Variants in MED17 observed in about 807,000 individuals in gnomAD.
The protein encoded by MED17 is mediator complex subunit 17, also known as mediator of RNA polymerase II transcription subunit 17.
In MED17, 49 loss-of-function variants were observed where a neutral mutation model predicts 80.8. That is an observed-to-expected ratio of 0.61 (90% CI 0.48 to 0.77). The LOEUF is 0.77. Among genes scored for constraint, MED17 ranks in the 30% least tolerant of loss-of-function variants. The pLI is 0.00. For synonymous variants in MED17, 281 were observed against 280.4 expected, an observed-to-expected ratio of 1.00 and a Z score of -0.02; for missense variants, 718 against 787.0, an observed-to-expected ratio of 0.91 and a Z score of 1.05.
chr11:93,798,735 G>A (rs1456112712), intron 8 of MED17, among the ~76,000 whole-genome samples: 1 of 152,138 alleles, frequency 6.6e-6, no homozygotes, highest in East Asian at 1.9e-4. Flanking sequence ...AGGTATAGGA[G>A]TGGGGTCTTA....
At chr11:93,808,686 G>C (rs1405516089) in intron 10 of MED17, 1 of 151,896 alleles carries the variant, frequency 6.6e-6, no homozygotes, top group Non-Finnish European at 1.5e-5. Context: ...TGGTGGCCAA[G>C]TAAGTAAAAT....
At chr11:93,809,170 T>G in intron 10 of MED17, 3 of 174,082 alleles carry the variant, frequency 1.7e-5, no homozygotes, top group Non-Finnish European at 3.7e-5. Flanking sequence ...AGGGGGAGAG[T>G]CGTGTAGAAC....
chr11:93,790,288 G>A, intron 2 of MED17: 2 of 513,118 alleles, frequency 3.9e-6, no homozygotes, highest in South Asian at 3.1e-5. Context: ...TATAAGGAGA[G>A]GAATGGCAGT....
Position 93,797,716 on chromosome 11 carries a change from G to T in MED17, c.1325G>T (p.Ser442Ile). 1 of 1,611,642 alleles carries T rather than the reference G, an allele frequency of 6.2e-7. No individual in the cohort carries two copies. The highest frequency in any genetic ancestry group is 2.2e-5 in the East Asian group (1 of 44,846). ...IKQAKHIFLR[S>I]RAAATIDSLA... ...CAAGCAAAGCATATTTTTCTAAGGA[G>T]TAGGTAAGGTTGAAGAAAGTTACTG... is the stretch of plus-strand genomic sequence containing the variant. The change falls in exon 8 of 12, where the codon AGT becomes ATT. Residue 442 changes from serine to isoleucine, a missense_variant. By Grantham distance (142) the Ser-to-Ile change is moderately radical (BLOSUM62 -2). Transcript: ENST00000251871.
At chr11:93,787,018 TG>T (rs1386508696) in intron 1 of MED17, among the ~76,000 whole-genome samples, 1 of 152,008 alleles carries the variant, frequency 6.6e-6, no homozygotes, top group Non-Finnish European at 1.5e-5. Flanking sequence ...AGTACTAACA[TG>T]GAAGTGTCTC....
intron 6 of MED17, chr11:93,795,302 A>G (rs1943888072): frequency 1.8e-6 from 1 of 552,272 alleles, no homozygotes; most frequent in Non-Finnish European, 3.2e-6. Context: ...TGTAGTCATT[A>G]TTGTGGTCAA....
chr11:93,784,384 T>C lies in MED17; in HGVS notation c.-130T>C, dbSNP rs963595039. 2.8e-5 allele frequency: 35 copies of C among 1,230,912 alleles called. No individual in the cohort carries two copies. The highest frequency in any genetic ancestry group is 3.8e-5 in the Non-Finnish European group (35 of 910,494). 76.2% of individuals were successfully genotyped at this position (1,230,912 alleles called of 1,614,324 possible). A position where few individuals can be genotyped will look rare whatever the true frequency, so the allele number is the denominator to read the frequency against. The stretch of plus-strand genomic sequence containing the variant: ...TCCAGTCTGAGCGTTGCGTTCGGTT[T>C]CCCGAGGGTCTTCTGAGGCACCGCG... On this transcript the variant is annotated 5_prime_UTR_variant, in exon 1 of 12. Transcript: ENST00000251871.
intron 6 of MED17, chr11:93,795,270 A>G: frequency 1.6e-6 from 1 of 638,180 alleles, no homozygotes; most frequent in Non-Finnish European, 2.7e-6. Flanking sequence ...TTTTTAAGCT[A>G]CATATTAAAA....
At chr11:93,795,440 C>T (rs1347541852) in intron 6 of MED17, 1 of 261,060 alleles carries the variant, frequency 3.8e-6, no homozygotes, top group African/African-American at 2.3e-5. Context: ...ACTCTTAACG[C>T]CTGTCATCCC....
At chr11:93,804,947 TAG>T (rs1944009183) in intron 9 of MED17, among the ~76,000 whole-genome samples, 1 of 152,230 alleles carries the variant, frequency 6.6e-6, no homozygotes. Context: ...TACAGAGTAG[TAG>T]ACCCTTTTTA....
chr11:93,800,831 G>T (rs1208336818), intron 8 of MED17: 1 of 151,958 alleles, frequency 6.6e-6, no homozygotes, highest in East Asian at 1.9e-4. Context: ...GAGACTGGTT[G>T]TCGATATGTT....
At chr11:93,794,760 G>A (rs1374331369) in intron 5 of MED17, 148 bp from the exon 6 acceptor site, 1 of 850,706 alleles carries the variant, frequency 1.2e-6, no homozygotes, top group Non-Finnish European at 1.8e-6. Context: ...ATTTTTGACA[G>A]TCTCTATAGA....
At chr11:93,792,136 CAG>C (rs1458460592) in intron 3 of MED17, among the ~76,000 whole-genome samples, 10 of 152,170 alleles carry the variant, frequency 6.6e-5, no homozygotes, top group African/African-American at 1.9e-4. Flanking sequence ...CTGTGAATAT[CAG>C]GGGAGGAGGC....
At chr11:93,804,898 A>G (rs778809162) in intron 9 of MED17, among the ~76,000 whole-genome samples, 4 of 152,260 alleles carry the variant, frequency 2.6e-5, no homozygotes, top group African/African-American at 7.2e-5. Flanking sequence ...TCAGAATACA[A>G]TGGGATCAAT....
intron 11 of MED17, 92 bp from the exon 12 acceptor site, chr11:93,811,761 G>C (rs1944086961): frequency 1.7e-6 from 2 of 1,162,874 alleles, no homozygotes; most frequent in African/African-American, 3.1e-5. Context: ...CAAAGTTTTT[G>C]TATTCACAGT....
chr11:93,803,995 GTGTGTATATATATATATA>G (rs1565293197), intron 9 of MED17, among the ~76,000 whole-genome samples: 1 of 2,936 alleles, frequency 3.4e-4, no homozygotes, highest in South Asian at 0.042. Flanking sequence ...GTATATATGT[GTGTGTATATATATATATA>G]TATATATATA....
chr11:93,790,846 C>T (rs771960833), intron 3 of MED17, 53 bp downstream of exon 3: 55 of 1,482,244 alleles, frequency 3.7e-5, no homozygotes, highest in Non-Finnish European at 4.9e-5. Flanking sequence ...GTGGCTCATG[C>T]GTGTAATCCT....
chr11:93,787,259 A>G (rs575677893), intron 1 of MED17, among the ~76,000 whole-genome samples: 5 of 152,142 alleles, frequency 3.3e-5, no homozygotes, highest in Admixed American at 2.0e-4. Flanking sequence ...TAAAAATACA[A>G]AAAATTAGCT....
At chr11:93,800,490 G>A (rs1276980946) in intron 8 of MED17, among the ~76,000 whole-genome samples, 3 of 151,936 alleles carry the variant, frequency 2.0e-5, no homozygotes, top group East Asian at 1.9e-4. Flanking sequence ...TTAGCCAGGC[G>A]TGGTGGCACA....
Sources: allele counts gnomAD v4.1 joint callset (sites outside exome capture counted in the v4.1 genomes callset), GRCh38; gene constraint gnomAD v4.1.1; transcripts MANE v1.5; gene names NCBI Gene and HGNC (gene_info 2026-07-23, HGNC 2026-07-21).